PTPRT: variants seen among roughly 807,000 people sequenced by gnomAD.
PTPRT encodes the protein protein tyrosine phosphatase receptor type T, also known as receptor-type tyrosine-protein phosphatase T.
A neutral mutation model predicts 176.8 loss-of-function variants in PTPRT; 56 were observed. That is an observed-to-expected ratio of 0.32 (90% CI 0.26 to 0.40). The LOEUF (loss-of-function observed/expected upper bound fraction) is 0.40, where lower values mean the gene tolerates loss of function less well. Ranked by LOEUF, PTPRT falls within the 10% of genes least tolerant of loss-of-function variation. PTPRT has a pLI of 1.00. For synonymous variants in PTPRT, 783 were observed against 739.0 expected, an observed-to-expected ratio of 1.06 and a Z score of -0.96; for missense variants, 1,540 against 1,908.2, an observed-to-expected ratio of 0.81 and a Z score of 3.60.
intron 7 of PTPRT, among the ~76,000 whole-genome samples, chr20:42,549,458 A>T (rs1422497753): frequency 6.6e-6 from 1 of 152,140 alleles, no homozygotes; most frequent in African/African-American, 2.4e-5. Flanking sequence ...ACACGGGAGC[A>T]GAGAAGAAGG....
At chr20:42,589,121 T>C (rs2073524126) in intron 7 of PTPRT, among the ~76,000 whole-genome samples, 1 of 152,122 alleles carries the variant, frequency 6.6e-6, no homozygotes, top group Non-Finnish European at 1.5e-5. Flanking sequence ...ATGCTGTCAT[T>C]GAGACATGGG....
At chr20:42,740,964 A>G (rs1423381900) in intron 6 of PTPRT, among the ~76,000 whole-genome samples, 1 of 152,200 alleles carries the variant, frequency 6.6e-6, no homozygotes, top group Non-Finnish European at 1.5e-5. Flanking sequence ...ATTATACCCC[A>G]AAGAACTTGA....
At chr20:43,011,861 C>T (rs1234950178) in intron 1 of PTPRT, among the ~76,000 whole-genome samples, 1 of 152,166 alleles carries the variant, frequency 6.6e-6, no homozygotes, top group African/African-American at 2.4e-5. Flanking sequence ...AGAAAGCAGG[C>T]AGAAGATGGA....
chr20:42,907,711 C>T lies in PTPRT; in HGVS notation c.89-21779G>A, dbSNP rs141877664. ...GGTGTCCTTCAGCCTCTTGCATCAA[C>T]AGTACTTGAAGTCATTAGTTTGTTA... On this transcript the variant is annotated intron_variant, in intron 1 of 30. Coordinates refer to ENST00000373187, the MANE Select transcript of PTPRT (RefSeq NM_007050.6). Among the ~76,000 whole-genome samples the T allele has an allele frequency of 5.9e-5, 9 of 152,230 alleles. No homozygotes were observed. The East Asian group carries it at 1.6e-3, about 26-fold the overall frequency.
intron 17 of PTPRT, among the ~76,000 whole-genome samples, chr20:42,149,410 G>A (rs1989023656): frequency 9.4e-6 from 1 of 106,812 alleles, no homozygotes; most frequent in African/African-American, 3.4e-5. Context: ...TAATTCAATG[G>A]GAAAGTTTTG....
intron 1 of PTPRT, among the ~76,000 whole-genome samples, chr20:43,024,649 T>C (rs1163472478): frequency 1.3e-5 from 2 of 150,160 alleles, no homozygotes; most frequent in Non-Finnish European, 3.0e-5. Context: ...CAACTTAAAA[T>C]GCTTACATGA....
chr20:42,489,142 G>A (rs2071516747), intron 7 of PTPRT, among the ~76,000 whole-genome samples: 1 of 151,356 alleles, frequency 6.6e-6, no homozygotes, highest in African/African-American at 2.4e-5. Context: ...GGGTACATGT[G>A]CACAACCTGC....
chr20:42,873,462 G>T (rs896454372), intron 2 of PTPRT, among the ~76,000 whole-genome samples: 1 of 152,162 alleles, frequency 6.6e-6, no homozygotes, highest in African/African-American at 2.4e-5. Context: ...GGGAATACAA[G>T]TGACGTCATA....
At chr20:42,878,492 A>G (rs1568654538) in intron 2 of PTPRT, among the ~76,000 whole-genome samples, 1 of 152,238 alleles carries the variant, frequency 6.6e-6, no homozygotes, top group East Asian at 1.9e-4. Context: ...AGTTGACAAC[A>G]GTACCATGTC....
intron 1 of PTPRT, among the ~76,000 whole-genome samples, chr20:42,965,129 G>A (rs576047220): frequency 2.3e-4 from 35 of 152,182 alleles, no homozygotes; most frequent in Middle Eastern, 3.4e-3. Context: ...GAAAGATAAC[G>A]CCAGGGAAGA....
chr20:42,665,726 A>T (rs186806302), intron 7 of PTPRT, among the ~76,000 whole-genome samples: 62 of 152,294 alleles, frequency 4.1e-4, no homozygotes, highest in Non-Finnish European at 6.5e-4. Flanking sequence ...GGATTAAGAA[A>T]ATGTGGCACA....
At chr20:42,245,883 G>A (rs534482237) in intron 14 of PTPRT, among the ~76,000 whole-genome samples, 2 of 152,270 alleles carry the variant, frequency 1.3e-5, no homozygotes, top group African/African-American at 4.8e-5. Context: ...TCCATGACCA[G>A]GGAAGGCAGG....
intron 7 of PTPRT, among the ~76,000 whole-genome samples, chr20:42,479,318 G>A (rs570426815): frequency 6.6e-6 from 1 of 152,338 alleles, no homozygotes; most frequent in East Asian, 1.9e-4. Context: ...TGGATAGCTT[G>A]TATGCAAAAT....
intron 2 of PTPRT, among the ~76,000 whole-genome samples, chr20:42,799,963 T>A (rs970230949): frequency 6.6e-6 from 1 of 152,230 alleles, no homozygotes; most frequent in Non-Finnish European, 1.5e-5. Context: ...GAAGGAAAGA[T>A]CTTTCTCCTT....
intron 8 of PTPRT, among the ~76,000 whole-genome samples, chr20:42,448,952 T>A (rs959869284): frequency 6.6e-5 from 10 of 152,172 alleles, no homozygotes; most frequent in African/African-American, 2.2e-4. Flanking sequence ...CTGGGCTGCA[T>A]GCAGCCCAGG....
At chr20:42,115,457 G>T (rs2146313346) in intron 21 of PTPRT, 142 bp from the exon 22 acceptor site, 1 of 664,046 alleles carries the variant, frequency 1.5e-6, no homozygotes. Context: ...TCAGTCCACA[G>T]GGTTCACAGC....
intron 12 of PTPRT, among the ~76,000 whole-genome samples, chr20:42,315,163 C>T (rs151071553): frequency 0.012 from 653 of 54,294 alleles, 4 homozygotes; most frequent in African/African-American, 0.045. Flanking sequence ...CCGGCCTGGG[C>T]GACAGAGCGA....
At chr20:42,171,934 A>G (rs1990094911) in intron 16 of PTPRT, among the ~76,000 whole-genome samples, 1 of 152,168 alleles carries the variant, frequency 6.6e-6, no homozygotes, top group African/African-American at 2.4e-5. Context: ...AATAAATTAT[A>G]AAGAATGACA....
chr20:42,090,815 TGAATGCAA>T (rs1984537961), intron 27 of PTPRT, among the ~76,000 whole-genome samples: 1 of 152,250 alleles, frequency 6.6e-6, no homozygotes. Flanking sequence ...ACACTTACCC[TGAATGCAA>T]CCTTGACATT....
Sources: gnomAD v4.1 joint callset for allele counts (sites outside exome capture counted in the v4.1 genomes callset) on GRCh38, gnomAD v4.1.1 for gene constraint, MANE v1.5 for transcripts, NCBI Gene and HGNC (gene_info 2026-07-23, HGNC 2026-07-21) for gene names.